APC: variants seen among roughly 807,000 people sequenced by gnomAD.
APC encodes APC regulator of Wnt signaling pathway.
Under a neutral mutation model 247.0 loss-of-function variants are expected in APC, and 72 were observed. The ratio of observed to expected loss-of-function variants is 0.29; its 90% CI spans 0.24 to 0.35. APC has a LOEUF of 0.35. Ranked by LOEUF, APC falls within the 10% of genes least tolerant of loss-of-function variation. The probability of loss-of-function intolerance (pLI) is 1.00; values close to 1 mark genes in which losing one functional copy is unlikely to be tolerated. For missense variants in APC, 3,400 were observed against 3,360.7 expected (o/e 1.01, Z -0.29); for synonymous variants, 1,254 against 1,162.5 (o/e 1.08, Z -1.60).
intron 1 of APC, among the ~76,000 whole-genome samples, chr5:112,753,559 A>T (rs1250320497): frequency 2.0e-5 from 3 of 152,074 alleles, no homozygotes; most frequent in African/African-American, 7.2e-5. Flanking sequence ...AACACACAAG[A>T]CTCAATTTTT....
At chr5:112,789,845 T>C (rs1376517420) in intron 6 of APC, among the ~76,000 whole-genome samples, 1 of 151,064 alleles carries the variant, frequency 6.6e-6, no homozygotes, top group Non-Finnish European at 1.5e-5. Flanking sequence ...TAAGATTTGT[T>C]ACTTAAAGAA....
chr5:112,780,419 C>A (rs1422273113), intron 5 of APC, among the ~76,000 whole-genome samples: 1 of 152,056 alleles, frequency 6.6e-6, no homozygotes, highest in Non-Finnish European at 1.5e-5. Flanking sequence ...ATGTTGTCCA[C>A]GTTAATATGC....
rs1160075832 is a variant in APC, at chr5:112,838,228, G to A, written c.2634G>A (p.Leu878=). The A allele has an allele frequency of 6.2e-7, 1 of 1,614,066 alleles. No individual in the cohort carries two copies. The highest frequency in any genetic ancestry group is 1.7e-5 in the Admixed American group (1 of 60,016). ...CAGGAACTTCTTCAAAGCGAGGTTTGCAGATCTCCACCACTGCAGCCCAGA... is the reference window on the plus strand; with the variant it reads ...CAGGAACTTCTTCAAAGCGAGGTTTACAGATCTCCACCACTGCAGCCCAGA... ...ENPGTSSKRG[L]QISTTAAQIA... The change falls in exon 16 of 16, where the codon TTG becomes TTA. Residue 878 remains leucine (L), a synonymous_variant. Transcript: ENST00000257430.
intron 1 of APC, 149 bp from the exon 2 acceptor site, chr5:112,754,724 A>G (rs1754759965): frequency 1.5e-6 from 1 of 665,048 alleles, no homozygotes; most frequent in Non-Finnish European, 2.6e-6. Context: ...TGCTACTTGA[A>G]CAATATTGTT....
Position 112,839,296 on chromosome 5 carries a change from T to C in APC, c.3702T>C (p.Ser1234=), listed in dbSNP as rs2149897318. The C allele has an allele frequency of 6.2e-7, 1 of 1,614,126 alleles. No individual in the cohort carries two copies. Among genetic ancestry groups the C allele is most frequent in the Admixed American group, 1.7e-5 (1 of 60,020 alleles). ...AGAGGCAGAATCAGCTCCATCCAAG[T>C]TCTGCACAGAGTAGAAGTGGTCAGC... ...NAKRQNQLHP[S]SAQSRSGQPQ... is the part of the protein sequence containing the mutation. The change falls in exon 16 of 16, where the codon AGT becomes AGC. Residue 1234 remains serine (S), a synonymous_variant. Coordinates refer to ENST00000257430, the MANE Select transcript of APC (RefSeq NM_000038.6). This position sits in a 1 kb window ranked among gnomAD's most constrained non-coding sequence, Gnocchi z 5.0.
chr5:112,799,482 C>T (rs74386773), intron 7 of APC, among the ~76,000 whole-genome samples: 1 of 152,086 alleles, frequency 6.6e-6, no homozygotes, highest in Non-Finnish European at 1.5e-5. Flanking sequence ...TCACTGCTTC[C>T]CTAGTGCATA....
intron 14 of APC, among the ~76,000 whole-genome samples, chr5:112,833,180 AT>A (rs35482005): frequency 0.47 from 57,298 of 122,106 alleles, 12,033 homozygotes; most frequent in East Asian, 0.73. Flanking sequence ...TGCCTGGCTA[AT>A]TTTTTTTTTT....
chr5:112,821,988 C>T lies in APC; in HGVS notation c.1405C>T (p.Leu469=), dbSNP rs746293695. ...DEEHRHAMNE[L]GGLQAIAELL... ...AGAGCATAGACATGCAATGAATGAA[C>T]TAGGTAAGACAAAAATGTTTTTTAA... Residue 469 remains leucine (L), a synonymous_variant, in exon 11 of 16, where the codon CTA becomes TTA. Coordinates refer to ENST00000257430, the MANE Select transcript of APC (RefSeq NM_000038.6). 10 of 1,602,276 alleles carry T rather than the reference C, an allele frequency of 6.2e-6. No homozygotes were observed. The Admixed American group carries it at 1.5e-4, about 24-fold the overall frequency.
At chr5:112,778,848 T>G (rs1427466236) in intron 5 of APC, among the ~76,000 whole-genome samples, 1 of 152,224 alleles carries the variant, frequency 6.6e-6, no homozygotes, top group African/African-American at 2.4e-5. Context: ...CAGCCACATG[T>G]AATTTTTTAA....
intron 8 of APC, chr5:112,810,005 A>G (rs1317399447): frequency 5.6e-6 from 2 of 356,682 alleles, no homozygotes; most frequent in Non-Finnish European, 1.1e-5. Context: ...CAAAAAAAAA[A>G]GTAGAAGAGA....
In APC at chr5:112,842,932, A is replaced by C. The variant is rs887554004; in HGVS notation, c.7338A>C (p.Glu2446Asp). 6.2e-7 allele frequency: 1 copy of C among 1,613,928 alleles called. No homozygotes were observed. The highest frequency in any genetic ancestry group is 1.3e-5 in the African/African-American group (1 of 74,928). ...VLVRQSTFIK[E>D]APSPTLRRKL... is the part of the protein sequence containing the mutation. ...TACGCCAGTCAACTTTCATCAAAGA[A>C]GCTCCAAGCCCAACCTTAAGAAGAA... Residue 2446 changes from glutamate to aspartate, a missense_variant, in exon 16 of 16, where the codon GAA (glutamate) becomes GAC (aspartate). Transcript: ENST00000257430.
chr5:112,764,958 C>G (rs151133442), intron 2 of APC, among the ~76,000 whole-genome samples: 1 of 152,296 alleles, frequency 6.6e-6, no homozygotes, highest in East Asian at 1.9e-4. Context: ...ATGTAAAACA[C>G]TCTGGAATAT....
chr5:112,756,883 A>T (rs1171934334), intron 2 of APC, among the ~76,000 whole-genome samples: 1 of 152,184 alleles, frequency 6.6e-6, no homozygotes, highest in Non-Finnish European at 1.5e-5. Flanking sequence ...ATATTTTTTC[A>T]GATTTTTAAA....
chr5:112,807,146 A>AG (rs1273912674), intron 8 of APC, among the ~76,000 whole-genome samples: 1 of 151,796 alleles, frequency 6.6e-6, no homozygotes, highest in East Asian at 1.9e-4. Flanking sequence ...GAAAAAAAAA[A>AG]AAAAAACGTA....
chr5:112,785,643 A>G (rs1758851238), intron 6 of APC, among the ~76,000 whole-genome samples: 1 of 152,214 alleles, frequency 6.6e-6, no homozygotes, highest in African/African-American at 2.4e-5. Context: ...GCACAGGAAT[A>G]AATTTAGGCA....
chr5:112,828,457 T>TAAAA (rs34947690), intron 13 of APC, among the ~76,000 whole-genome samples: 1 of 141,428 alleles, frequency 7.1e-6, no homozygotes. Flanking sequence ...AGGAGGAATT[T>TAAAA]AAAAAAAAAA....
Position 112,844,306 on chromosome 5 carries a change from T to C in APC, c.*180T>C, listed in dbSNP as rs1312613670. On this transcript the variant is annotated 3_prime_UTR_variant, in exon 16 of 16. Transcript: ENST00000257430. ...ATACTTTGTCTTCACTGGTCTTATT[T>C]TGGGAGGCACTCTTGATGGTTAGGA... is the stretch of plus-strand genomic sequence containing the variant. The C allele has an allele frequency of 1.6e-6, 1 of 620,264 alleles. No homozygotes were observed. The highest frequency in any genetic ancestry group is 1.9e-5 in the African/African-American group (1 of 53,618). The allele number at this position is 620,264 out of a possible 1,614,324, so 38.4% of individuals were successfully genotyped here.
rs587782271 is a variant in APC, at chr5:112,841,592, A to C, written c.5998A>C (p.Ser2000Arg). ...TEPPDSQGEP[S>R]KPQASGYAPK... ...GCCCCCTGACTCACAGGGAGAACCA[A>C]GTAAACCTCAAGCATCAGGCTATGC... Residue 2000 changes from serine to arginine, a missense_variant, in exon 16 of 16, where the codon AGT (serine) becomes CGT (arginine). By Grantham distance (110) the Ser-to-Arg change is moderately radical (BLOSUM62 -1). Transcript: ENST00000257430. This position sits in a 1 kb window ranked among gnomAD's most constrained non-coding sequence, Gnocchi z 4.6. 1.9e-6 allele frequency: 3 copies of C among 1,613,838 alleles called. No homozygotes were observed. In the South Asian group the frequency reaches 3.3e-5, roughly 18 times the overall value.
intron 2 of APC, among the ~76,000 whole-genome samples, chr5:112,765,763 T>C (rs1756226131): frequency 6.6e-6 from 1 of 152,138 alleles, no homozygotes; most frequent in South Asian, 2.1e-4. Flanking sequence ...AGAAAGGGAT[T>C]ACATGGGAAA....
Sources: allele counts gnomAD v4.1 joint callset (sites outside exome capture counted in the v4.1 genomes callset), GRCh38; gene constraint gnomAD v4.1.1; non-coding constraint Gnocchi (gnomAD v3.1); transcripts MANE v1.5; gene names NCBI Gene and HGNC (gene_info 2026-07-23, HGNC 2026-07-21).